CNTNAP2: variants seen among roughly 807,000 people sequenced by gnomAD.
The protein encoded by CNTNAP2 is contactin-associated protein-like 2.
A neutral mutation model predicts 155.2 loss-of-function variants in CNTNAP2; 98 were observed. The observed-to-expected ratio is 0.63, with a 90% CI of 0.54 to 0.75. The LOEUF is 0.75. CNTNAP2 is among the 30% of genes least tolerant of loss of function. The pLI, the probability that CNTNAP2 is intolerant of heterozygous loss-of-function variation, is 0.00. For missense variants in CNTNAP2, 1,727 were observed against 1,688.1 expected (o/e 1.02, Z -0.40); for synonymous variants, 651 against 631.2 (o/e 1.03, Z -0.47).
chr7:147,249,357 A>T (rs1319073578), intron 8 of CNTNAP2, among the ~76,000 whole-genome samples: 1 of 152,154 alleles, frequency 6.6e-6, no homozygotes, highest in East Asian at 1.9e-4. Context: ...CACCACGTTA[A>T]GAGGCACAAG....
At chr7:147,336,490 A>G (rs1446606005) in intron 9 of CNTNAP2, among the ~76,000 whole-genome samples, 2 of 152,168 alleles carry the variant, frequency 1.3e-5, no homozygotes, top group Non-Finnish European at 2.9e-5. Context: ...GTTTGGTTTA[A>G]TTTATTGAAG....
At chr7:146,186,345 C>A (rs1352183701) in intron 1 of CNTNAP2, among the ~76,000 whole-genome samples, 1 of 152,118 alleles carries the variant, frequency 6.6e-6, no homozygotes, top group African/African-American at 2.4e-5. Flanking sequence ...TTTCTGTCTT[C>A]TTTCATGCTG....
At chr7:146,126,860 C>T (rs1014727377) in intron 1 of CNTNAP2, among the ~76,000 whole-genome samples, 19 of 152,176 alleles carry the variant, frequency 1.2e-4, no homozygotes, top group African/African-American at 3.1e-4. Flanking sequence ...TGTATCCATC[C>T]GCTGCTCTCC....
intron 21 of CNTNAP2, among the ~76,000 whole-genome samples, chr7:148,323,437 T>A (rs1797836168): frequency 6.6e-6 from 1 of 151,914 alleles, no homozygotes. Context: ...TACACTTTTT[T>A]TTTTTAATTG....
At chr7:146,413,785 T>A (rs528673191) in intron 1 of CNTNAP2, among the ~76,000 whole-genome samples, 1 of 152,342 alleles carries the variant, frequency 6.6e-6, no homozygotes, top group African/African-American at 2.4e-5. Flanking sequence ...GAAGGGGGAC[T>A]TTCAAAATAA....
chr7:146,300,208 T>C (rs1352813105), intron 1 of CNTNAP2, among the ~76,000 whole-genome samples: 2 of 152,110 alleles, frequency 1.3e-5, no homozygotes, highest in African/African-American at 2.4e-5. Flanking sequence ...ATGTAGAGTA[T>C]AAAATAATAA....
intron 11 of CNTNAP2, among the ~76,000 whole-genome samples, chr7:147,527,561 G>A (rs966575973): frequency 6.6e-6 from 1 of 152,148 alleles, no homozygotes; most frequent in East Asian, 1.9e-4. Context: ...TTTTTAAAAT[G>A]TATTCTGAAA....
chr7:146,319,788 G>A (rs1424254576), intron 1 of CNTNAP2, among the ~76,000 whole-genome samples: 1 of 152,140 alleles, frequency 6.6e-6, no homozygotes, highest in Non-Finnish European at 1.5e-5. Flanking sequence ...TAATGTAGGT[G>A]GACAGCAAGT....
At chr7:146,369,038 TATATATATATATAC>T (rs1051227843) in intron 1 of CNTNAP2, among the ~76,000 whole-genome samples, 2 of 116,374 alleles carry the variant, frequency 1.7e-5, no homozygotes, top group African/African-American at 7.6e-5. Flanking sequence ...TGTATATATA[TATATATATATATAC>T]ATATATATAT....
At chr7:148,158,292 G>A (rs909393683) in intron 17 of CNTNAP2, among the ~76,000 whole-genome samples, 1 of 143,036 alleles carries the variant, frequency 7.0e-6, no homozygotes, top group Non-Finnish European at 1.5e-5. Flanking sequence ...GCACAATCTC[G>A]GCTCACTGCA....
intron 8 of CNTNAP2, among the ~76,000 whole-genome samples, chr7:147,244,822 G>C (rs1328297332): frequency 3.3e-5 from 5 of 152,102 alleles, no homozygotes; most frequent in Non-Finnish European, 4.4e-5. Flanking sequence ...AAAATATAAT[G>C]CAAAGAGATA....
chr7:147,749,220 A>G (rs1797095303), intron 13 of CNTNAP2, among the ~76,000 whole-genome samples: 1 of 152,234 alleles, frequency 6.6e-6, no homozygotes, highest in Non-Finnish European at 1.5e-5. Flanking sequence ...AGAATTATTC[A>G]GTATCTATAC....
At chr7:147,123,553 G>A (rs186762269) in intron 6 of CNTNAP2, among the ~76,000 whole-genome samples, 193 of 152,328 alleles carry the variant, frequency 1.3e-3, no homozygotes, top group African/African-American at 4.4e-3. Context: ...GACAGAAACA[G>A]TAGGAAGAAA....
At chr7:148,055,856 T>G (rs1802997535) in intron 15 of CNTNAP2, among the ~76,000 whole-genome samples, 1 of 152,182 alleles carries the variant, frequency 6.6e-6, no homozygotes, top group South Asian at 2.1e-4. Context: ...GCAGTGGGTT[T>G]CTTATATTTT....
At chr7:147,404,537 A>T (rs1391238570) in intron 10 of CNTNAP2, among the ~76,000 whole-genome samples, 1 of 152,166 alleles carries the variant, frequency 6.6e-6, no homozygotes, top group Non-Finnish European at 1.5e-5. Context: ...GCTATGCTCT[A>T]TCTTAGTTTC....
At chr7:146,273,915 C>T (rs986060553) in intron 1 of CNTNAP2, among the ~76,000 whole-genome samples, 5 of 152,062 alleles carry the variant, frequency 3.3e-5, no homozygotes, top group African/African-American at 9.7e-5. Context: ...ATTATTCATA[C>T]ATAAGGAAAT....
chr7:148,002,613 A>C (rs1801917422), intron 15 of CNTNAP2, among the ~76,000 whole-genome samples: 1 of 152,162 alleles, frequency 6.6e-6, no homozygotes, highest in East Asian at 1.9e-4. Flanking sequence ...GACACATTTA[A>C]TTTTGCCCAA....
At chr7:147,172,993 T>G (rs1437777220) in intron 8 of CNTNAP2, among the ~76,000 whole-genome samples, 3 of 152,270 alleles carry the variant, frequency 2.0e-5, no homozygotes, top group Admixed American at 6.5e-5. Flanking sequence ...ACATATTGAT[T>G]GTCAGCATTA....
intron 1 of CNTNAP2, among the ~76,000 whole-genome samples, chr7:146,132,331 A>G (rs1797726962): frequency 6.6e-6 from 1 of 152,210 alleles, no homozygotes; most frequent in Non-Finnish European, 1.5e-5. Flanking sequence ...TCATATGCTA[A>G]TATGCATATA....
Sources: gnomAD v4.1 joint callset for allele counts (sites outside exome capture counted in the v4.1 genomes callset) on GRCh38, gnomAD v4.1.1 for gene constraint, MANE v1.5 for transcripts, NCBI Gene and HGNC (gene_info 2026-07-23, HGNC 2026-07-21) for gene names.